TUBGCP3: variants seen among roughly 807,000 people sequenced by gnomAD.
TUBGCP3 encodes tubulin gamma complex component 3, also known as gamma-tubulin complex component 3.
A neutral mutation model predicts 123.1 loss-of-function variants in TUBGCP3; 50 were observed. The ratio of observed to expected loss-of-function variants is 0.41; its 90% CI spans 0.32 to 0.51. The LOEUF (loss-of-function observed/expected upper bound fraction) is 0.51, where lower values mean the gene tolerates loss of function less well. TUBGCP3 is among the 20% of genes least tolerant of loss of function. The pLI, the probability that TUBGCP3 is intolerant of heterozygous loss-of-function variation, is 0.36. For missense variants in TUBGCP3, 882 were observed against 1,127.0 expected (o/e 0.78, Z 3.11); for synonymous variants, 405 against 413.9 (o/e 0.98, Z 0.26).
rs535713595 is a variant in TUBGCP3 at position 112,489,066 on chromosome 13, A to T, written c.2565+515T>A. 6.5e-5 allele frequency among the ~76,000 whole-genome samples: 8 copies of T among 122,440 alleles called. No homozygotes were observed. The South Asian group carries it at 2.2e-3, about 34-fold the overall frequency. 80.3% of individuals were successfully genotyped at this position (122,440 alleles called of 152,430 possible). On this transcript the variant is annotated intron_variant, in intron 21 of 21. Coordinates refer to ENST00000261965, the MANE Select transcript of TUBGCP3 (RefSeq NM_006322.6). The stretch of plus-strand genomic sequence containing the variant: ...CCCACCACAGTGGAGCACAGGGGCC[A>T]CCCCCAGGTCCCCACACCCACCACA...
In TUBGCP3 at chr13:112,527,052, T is replaced by C; in HGVS notation, c.1447-2A>G. 1 of 1,606,416 alleles carries C rather than the reference T, an allele frequency of 6.2e-7. No homozygotes were observed. Among genetic ancestry groups the C allele is most frequent in the Non-Finnish European group, 8.5e-7 (1 of 1,173,968 alleles). On this transcript the variant is annotated splice_acceptor_variant, in intron 12 of 21. Coordinates refer to ENST00000261965, the MANE Select transcript of TUBGCP3 (RefSeq NM_006322.6). LOFTEE classifies it high-confidence loss of function. ...TATTGATTTTCCTATCAAAAGGACC[T>C]AAAAAGAAAAACATTCTATGATTAC...
the TUBGCP3 span, among the ~76,000 whole-genome samples, chr13:112,597,684 A>G: frequency 6.6e-6 from 1 of 152,202 alleles, no homozygotes; most frequent in Non-Finnish European, 1.5e-5. Flanking sequence ...TTAAAAATCA[A>G]CGTGTGACCT....
chr13:112,579,326 A>C (rs1198520550), intron 1 of TUBGCP3, among the ~76,000 whole-genome samples: 65 of 101,222 alleles, frequency 6.4e-4, no homozygotes, highest in South Asian at 1.0e-3. Context: ...CTGCTGAGTG[A>C]CAGTGGGGCC....
chr13:112,527,778 G>A (rs1019993364), intron 11 of TUBGCP3, among the ~76,000 whole-genome samples: 7 of 152,200 alleles, frequency 4.6e-5, no homozygotes, highest in African/African-American at 9.6e-5. Context: ...TGGGCCACAC[G>A]GAGCTCTTCC....
At position 112,485,242 on chromosome 13, in the gene TUBGCP3, A is replaced by G. The variant is rs1879576852; in HGVS notation, c.*751T>C. 6.6e-6 allele frequency: 1 copy of G among 152,650 alleles called. No homozygotes were observed. Among genetic ancestry groups the G allele is most frequent in the Non-Finnish European group, 1.5e-5 (1 of 68,048 alleles). The allele number at this position is 152,650 out of a possible 1,614,324, so 9.5% of individuals were successfully genotyped here. A position where few individuals can be genotyped will look rare whatever the true frequency, so the allele number is the denominator to read the frequency against. On this transcript the variant is annotated 3_prime_UTR_variant, in exon 22 of 22. Transcript: ENST00000261965. ...AGGAACTTTGAAAATAAAATACTCC[A>G]TTAACTTTCTCGTCACTCCTATTTA...
At chr13:112,529,197 G>A (rs986491953) in intron 11 of TUBGCP3, among the ~76,000 whole-genome samples, 2 of 152,106 alleles carry the variant, frequency 1.3e-5, no homozygotes, top group African/African-American at 4.8e-5. Flanking sequence ...TATAATCCTG[G>A]CACACAGTAT....
At position 112,588,001 on chromosome 13, in the gene TUBGCP3, G is replaced by T. The variant is rs1307740573; in HGVS notation, c.-21C>A. 3.3e-6 allele frequency: 5 copies of T among 1,503,462 alleles called. No homozygotes were observed. The highest frequency in any genetic ancestry group is 2.7e-5 in the East Asian group (1 of 36,940). 93.1% of individuals were successfully genotyped at this position (1,503,462 alleles called of 1,614,324 possible). A position where few individuals can be genotyped will look rare whatever the true frequency, so the allele number is the denominator to read the frequency against. On this transcript the variant is annotated 5_prime_UTR_variant, in exon 1 of 22. Transcript: ENST00000261965. ...GCCATCCTCGCCCGGAGCCGTGCACGGTGGTCCGGGCAGAGCCGCCACTGC... is the reference window on the plus strand; with the variant it reads ...GCCATCCTCGCCCGGAGCCGTGCACTGTGGTCCGGGCAGAGCCGCCACTGC...
In TUBGCP3 at chr13:112,545,971, G is replaced by T; in HGVS notation, c.1169-106C>A. 2 of 1,315,800 alleles carry T rather than the reference G, an allele frequency of 1.5e-6. No individual in the cohort carries two copies. Among genetic ancestry groups the T allele is most frequent in the Non-Finnish European group, 2.1e-6 (2 of 950,656 alleles). 81.5% of individuals were successfully genotyped at this position (1,315,800 alleles called of 1,614,324 possible). A position where few individuals can be genotyped will look rare whatever the true frequency, so the allele number is the denominator to read the frequency against. ...GACGCCCAAGTAATTGAGATAAAGAGCATTTGTTTTCTTACAGTTAATACC... is the reference window on the plus strand; with the variant it reads ...GACGCCCAAGTAATTGAGATAAAGATCATTTGTTTTCTTACAGTTAATACC... On this transcript the variant is annotated intron_variant, in intron 10 of 21. Transcript: ENST00000261965. This position sits in a 1 kb window ranked among gnomAD's most constrained non-coding sequence, Gnocchi z 4.1.
At chr13:112,580,915 G>C (rs896929743) in intron 1 of TUBGCP3, among the ~76,000 whole-genome samples, 1 of 152,182 alleles carries the variant, frequency 6.6e-6, no homozygotes, top group African/African-American at 2.4e-5. Flanking sequence ...TCCCATTACA[G>C]GAAGTCTCCT....
chr13:112,507,243 G>A (rs901219327), intron 17 of TUBGCP3, among the ~76,000 whole-genome samples: 6 of 152,152 alleles, frequency 3.9e-5, no homozygotes, highest in Non-Finnish European at 5.9e-5. Context: ...CCTGACATCC[G>A]ATGTCTCCAT....
intron 13 of TUBGCP3, among the ~76,000 whole-genome samples, chr13:112,526,319 CCAT>C (rs1566551924): frequency 7.2e-6 from 1 of 139,444 alleles, no homozygotes; most frequent in East Asian, 2.1e-4. Flanking sequence ...CACCACCATG[CCAT>C]CATCATCGCT....
chr13:112,488,288 T>C (rs1879811527), intron 21 of TUBGCP3, among the ~76,000 whole-genome samples: 1 of 152,090 alleles, frequency 6.6e-6, no homozygotes, highest in South Asian at 2.1e-4. Context: ...GCTCCATGAT[T>C]AGTGATCAGC....
upstream of TUBGCP3, among the ~76,000 whole-genome samples, chr13:112,592,091 T>C (rs758595983): frequency 6.6e-5 from 10 of 152,148 alleles, no homozygotes; most frequent in Non-Finnish European, 1.3e-4. The surrounding 1 kb of genome is among the most constrained non-coding windows in gnomAD (Gnocchi z 4.1). Flanking sequence ...ATGGAACATC[T>C]GGACTCTGTG....
chr13:112,542,990 T>C lies in TUBGCP3; in HGVS notation c.1335+2709A>G, dbSNP rs1878651847. Among the ~76,000 whole-genome samples, 10 of 152,024 alleles carry C rather than the reference T, an allele frequency of 6.6e-5. No individual in the cohort carries two copies. In the South Asian group the frequency reaches 2.1e-3, roughly 32 times the overall value. On this transcript the variant is annotated intron_variant, in intron 11 of 21. Coordinates refer to ENST00000261965, the MANE Select transcript of TUBGCP3 (RefSeq NM_006322.6). ...AAGTGAAACCCCGTCTCTACTAAAA[T>C]ACAAAAAAACTTAGCTGGGCGTAGC... is the stretch of plus-strand genomic sequence containing the variant.
chr13:112,540,473 G>C (rs538881674), intron 11 of TUBGCP3, among the ~76,000 whole-genome samples: 40 of 141,090 alleles, frequency 2.8e-4, no homozygotes, highest in Non-Finnish European at 5.4e-4. Context: ...GTAGCCCTAT[G>C]AGCATTCAGG....
Position 112,588,077 on chromosome 13 carries a change from T to G in TUBGCP3, c.-97A>C. 1 of 1,087,978 alleles carries G rather than the reference T, an allele frequency of 9.2e-7. No homozygotes were observed. The highest frequency in any genetic ancestry group is 1.2e-6 in the Non-Finnish European group (1 of 827,942). The allele number at this position is 1,087,978 out of a possible 1,614,324, so 67.4% of individuals were successfully genotyped here. On this transcript the variant is annotated 5_prime_UTR_variant, in exon 1 of 22. Coordinates refer to ENST00000261965, the MANE Select transcript of TUBGCP3 (RefSeq NM_006322.6). ...CGCGCCCTTCCTGCGCCCCGCAAGC[T>G]CCCTGCTCCTGACAGGCTAAGGCGC...
intron 11 of TUBGCP3, among the ~76,000 whole-genome samples, chr13:112,534,390 C>T (rs1566557734): frequency 6.6e-6 from 1 of 152,026 alleles, no homozygotes; most frequent in Non-Finnish European, 1.5e-5. Flanking sequence ...ACTAAAAGTA[C>T]AAAAAATTAG....
chr13:112,486,029 A>G lies in TUBGCP3; in HGVS notation c.2688T>C (p.Ser896=). The change falls in exon 22 of 22, where the codon TCT becomes TCC. Residue 896 remains serine, a synonymous_variant. Coordinates refer to ENST00000261965, the MANE Select transcript of TUBGCP3 (RefSeq NM_006322.6). ...AGCTGCGCCGCCCCCTGGTACCCAGAGACACACGGAGCCTGGGCTCCCTGG... is the reference window on the plus strand; with the variant it reads ...AGCTGCGCCGCCCCCTGGTACCCAGGGACACACGGAGCCTGGGCTCCCTGG... ...YKAREPRLRV[S]LGTRGRRSSH... 2 of 1,608,156 alleles carry G rather than the reference A, an allele frequency of 1.2e-6. No individual in the cohort carries two copies. The highest frequency in any genetic ancestry group is 2.2e-5 in the East Asian group (1 of 44,838).
chr13:112,535,052 T>C (rs969723786), intron 11 of TUBGCP3, among the ~76,000 whole-genome samples: 18 of 152,238 alleles, frequency 1.2e-4, no homozygotes, highest in Non-Finnish European at 2.2e-4. Flanking sequence ...TATGGCCTTC[T>C]GTGTCTGGCT....
Sources: gnomAD v4.1 joint callset for allele counts (sites outside exome capture counted in the v4.1 genomes callset) on GRCh38, gnomAD v4.1.1 for gene constraint, Gnocchi (gnomAD v3.1) non-coding constraint, MANE v1.5 for transcripts, NCBI Gene and HGNC (gene_info 2026-07-23, HGNC 2026-07-21) for gene names.